PRUNE2: variants seen among roughly 807,000 people sequenced by gnomAD.
The protein encoded by PRUNE2 is protein prune homolog 2.
Under a neutral mutation model 252.0 loss-of-function variants are expected in PRUNE2, and 164 were observed. The ratio of observed to expected loss-of-function variants is 0.65; its 90% CI spans 0.57 to 0.74. The LOEUF (loss-of-function observed/expected upper bound fraction) is 0.74, where lower values mean the gene tolerates loss of function less well. Among genes scored for constraint, PRUNE2 ranks in the 30% least tolerant of loss-of-function variants. The pLI, the probability that PRUNE2 is intolerant of heterozygous loss-of-function variation, is 0.00. For missense variants in PRUNE2, 3,495 were observed against 3,711.0 expected (o/e 0.94, Z 1.51); for synonymous variants, 1,292 against 1,350.2 (o/e 0.96, Z 0.94).
Position 76,854,170 on chromosome 9 carries a change from A to T in PRUNE2, c.75T>A (p.Ile25=), listed in dbSNP as rs185332180. The change falls in exon 2 of 19, where the codon ATT becomes ATA. Residue 25 remains isoleucine (I), a synonymous_variant. Coordinates refer to ENST00000376718, the MANE Select transcript of PRUNE2 (RefSeq NM_015225.3). The part of the protein sequence containing the change: ...SKRLEKVHVV[I]GPKSCDLDSL... ...AATCCAAGTCACACGATTTAGGCCC[A>T]ATAACCACATGGACCTTCTCCAAGC... 63 of 1,605,706 alleles carry T rather than the reference A, an allele frequency of 3.9e-5. 1 individual carries two copies. The highest frequency in any genetic ancestry group is 2.5e-4 in the East Asian group (11 of 44,686).
chr9:76,723,451 G>A (rs2047820217), intron 6 of PRUNE2, among the ~76,000 whole-genome samples: 2 of 152,190 alleles, frequency 1.3e-5, no homozygotes, highest in African/African-American at 2.4e-5. Context: ...CTAGAAATTA[G>A]AATTGCCAGA....
Position 76,710,585 on chromosome 9 carries a change from A to G in PRUNE2, c.1689T>C (p.Leu563=), listed in dbSNP as rs1362384801. The G allele has an allele frequency of 6.2e-7, 1 of 1,613,700 alleles. No individual in the cohort carries two copies. The highest frequency in any genetic ancestry group is 2.2e-5 in the East Asian group (1 of 44,894). ...GGACAAACTCCTCATCATGTTCCAC[A>G]AGGCTATCTTTGCCAGCCCCTGACA... is the stretch of plus-strand genomic sequence containing the variant. ...SLLSGAGKDS[L]VEHDEEFVQR... The change falls in exon 8 of 19, where the codon CTT becomes CTC. Residue 563 remains leucine, a synonymous_variant. Transcript: ENST00000376718.
chr9:76,679,317 G>A (rs2043168340), intron 9 of PRUNE2, among the ~76,000 whole-genome samples: 1 of 152,074 alleles, frequency 6.6e-6, no homozygotes, highest in African/African-American at 2.4e-5. Flanking sequence ...AAGTGACCTG[G>A]ATTCCAATGG....
intron 6 of PRUNE2, among the ~76,000 whole-genome samples, chr9:76,769,343 G>A (rs1047925345): frequency 2.0e-5 from 3 of 152,174 alleles, no homozygotes; most frequent in Non-Finnish European, 4.4e-5. Context: ...CAGTAGCTCC[G>A]TAGCACTTCT....
At chr9:76,686,561 T>A (rs976789287) in intron 9 of PRUNE2, among the ~76,000 whole-genome samples, 2 of 152,140 alleles carry the variant, frequency 1.3e-5, no homozygotes, top group African/African-American at 4.8e-5. Context: ...GCTCAAGTGA[T>A]CCTCTCACCA....
intron 10 of PRUNE2, among the ~76,000 whole-genome samples, chr9:76,653,236 TGC>T: frequency 6.6e-6 from 1 of 152,304 alleles, no homozygotes; most frequent in East Asian, 1.9e-4. Flanking sequence ...CGGGGTATAC[TGC>T]ATAAGAAAAA....
At chr9:76,765,484 A>C (rs1248044014) in intron 6 of PRUNE2, among the ~76,000 whole-genome samples, 1 of 152,250 alleles carries the variant, frequency 6.6e-6, no homozygotes, top group African/African-American at 2.4e-5. Flanking sequence ...GAAGGCATAC[A>C]GAATAGAGAC....
chr9:76,836,834 C>CG lies in PRUNE2; in HGVS notation c.508+9680dup, dbSNP rs1400157399. Among the ~76,000 whole-genome samples the CG allele has an allele frequency of 4.6e-5, 7 of 152,206 alleles. No individual in the cohort carries two copies. The South Asian group carries it at 1.5e-3, about 32-fold the overall frequency. On this transcript the variant is annotated intron_variant, in intron 4 of 18. Transcript: ENST00000376718. ...CCTGCTAGGGCCCAAAGCAGAGTGA[C>CG]GGGGGACATTATTAGAAAAACACAA...
chr9:76,786,482 T>C (rs1437459309), intron 6 of PRUNE2: 1 of 152,254 alleles, frequency 6.6e-6, no homozygotes, highest in Admixed American at 6.5e-5. Context: ...AGTTGAATTC[T>C]CCTATTATGG....
intron 6 of PRUNE2, among the ~76,000 whole-genome samples, chr9:76,797,647 T>A (rs2056214431): frequency 6.6e-6 from 1 of 152,184 alleles, no homozygotes; most frequent in South Asian, 2.1e-4. Flanking sequence ...TTTTAACTTG[T>A]CTTTTTCATA....
chr9:76,895,558 T>A (rs987329256), intron 1 of PRUNE2, among the ~76,000 whole-genome samples: 1 of 152,144 alleles, frequency 6.6e-6, no homozygotes, highest in Admixed American at 6.6e-5. Context: ...GAGTGGGAAA[T>A]TTTTCTGAAA....
intron 18 of PRUNE2, chr9:76,615,165 A>C: frequency 1.0e-6 from 1 of 985,472 alleles, no homozygotes; most frequent in South Asian, 4.7e-5. Context: ...GTTCCCAAGT[A>C]TCTGAGGAGT....
chr9:76,614,458 C>A lies in PRUNE2; in HGVS notation c.*112G>T. On this transcript the variant is annotated 3_prime_UTR_variant, in exon 19 of 19. Transcript: ENST00000376718. ...TTTTCCCCTTAGAAATTTAGAATGG[C>A]ACCAGGTAGTGCAAAGTGGAAAAAG... 1 of 837,056 alleles carries A rather than the reference C, an allele frequency of 1.2e-6. No individual in the cohort carries two copies. The highest frequency in any genetic ancestry group is 2.0e-6 in the Non-Finnish European group (1 of 500,990). 51.9% of individuals were successfully genotyped at this position (837,056 alleles called of 1,614,324 possible). A position where few individuals can be genotyped will look rare whatever the true frequency, so the allele number is the denominator to read the frequency against.
intron 6 of PRUNE2, among the ~76,000 whole-genome samples, chr9:76,752,340 A>C (rs1026342850): frequency 5.3e-5 from 8 of 151,658 alleles, no homozygotes; most frequent in Admixed American, 1.3e-4. Context: ...CTCGTGATCC[A>C]CCTGCCTCGG....
intron 6 of PRUNE2, among the ~76,000 whole-genome samples, chr9:76,763,226 G>A (rs1416603273): frequency 3.3e-5 from 5 of 152,230 alleles, no homozygotes. Context: ...TCTTGAGCAA[G>A]TTACTTAATT....
At chr9:76,824,772 T>C (rs1249632796) in intron 5 of PRUNE2, among the ~76,000 whole-genome samples, 2 of 152,190 alleles carry the variant, frequency 1.3e-5, no homozygotes, top group Non-Finnish European at 2.9e-5. Flanking sequence ...ACTACCTACT[T>C]ACAATGCTCT....
At chr9:76,668,780 TG>T (rs2040719116) in intron 9 of PRUNE2, among the ~76,000 whole-genome samples, 1 of 151,728 alleles carries the variant, frequency 6.6e-6, no homozygotes, top group South Asian at 2.1e-4. Flanking sequence ...TGCCTCTGGC[TG>T]GGGACTTCTC....
intron 11 of PRUNE2, among the ~76,000 whole-genome samples, chr9:76,650,899 C>T (rs530443913): frequency 1.3e-5 from 2 of 152,036 alleles, no homozygotes; most frequent in African/African-American, 2.4e-5. Context: ...GAAGCAAATA[C>T]GGAGGCAAGA....
intron 6 of PRUNE2, among the ~76,000 whole-genome samples, chr9:76,773,503 G>GT (rs2053355255): frequency 6.8e-6 from 1 of 147,396 alleles, no homozygotes; most frequent in Non-Finnish European, 1.5e-5. Flanking sequence ...GAGTGCAGTG[G>GT]TGCAATCTTG....
Sources: allele counts gnomAD v4.1 joint callset (sites outside exome capture counted in the v4.1 genomes callset), GRCh38; gene constraint gnomAD v4.1.1; transcripts MANE v1.5; gene names NCBI Gene and HGNC (gene_info 2026-07-23, HGNC 2026-07-21).